MCHR2: variants seen among roughly 807,000 people sequenced by gnomAD.
MCHR2 encodes the protein melanin concentrating hormone receptor 2.
A neutral mutation model predicts 24.8 loss-of-function variants in MCHR2; 15 were observed. The ratio of observed to expected loss-of-function variants is 0.60; its 90% CI spans 0.40 to 0.93. The LOEUF is 0.93. Ranked by LOEUF, MCHR2 falls within the 40% of genes least tolerant of loss-of-function variation. The pLI is 0.00. For missense variants in MCHR2, 386 were observed against 408.7 expected (o/e 0.94, Z 0.48); for synonymous variants, 151 against 147.6 (o/e 1.02, Z -0.17).
intron 5 of MCHR2, among the ~76,000 whole-genome samples, chr6:99,928,375 T>C (rs1350702410): frequency 2.0e-5 from 3 of 152,196 alleles, no homozygotes; most frequent in Admixed American, 6.5e-5. Context: ...GAGGATTCCC[T>C]CTTTTTCTAT....
At chr6:99,934,254 C>A (rs1774605109) in intron 5 of MCHR2, 144 bp downstream of exon 5, 1 of 753,124 alleles carries the variant, frequency 1.3e-6, no homozygotes, top group African/African-American at 1.8e-5. Context: ...TCTTATTTTC[C>A]AAAAATTTTT....
intron 3 of MCHR2, among the ~76,000 whole-genome samples, chr6:99,944,323 G>A (rs917371408): frequency 2.6e-5 from 4 of 152,144 alleles, no homozygotes; most frequent in African/African-American, 4.8e-5. Context: ...TCAGAAGGAA[G>A]GCTATTTGAA....
chr6:99,963,204 G>A (rs938620119), intron 1 of MCHR2, among the ~76,000 whole-genome samples: 7 of 152,110 alleles, frequency 4.6e-5, no homozygotes, highest in Non-Finnish European at 7.4e-5. Context: ...ATGTAAAATA[G>A]TGTAGCCACT....
intron 2 of MCHR2, among the ~76,000 whole-genome samples, chr6:99,950,522 T>C (rs1774946280): frequency 6.6e-6 from 1 of 152,112 alleles, no homozygotes; most frequent in African/African-American, 2.4e-5. Context: ...ATAAAATAAA[T>C]TATGGTATTT....
chr6:99,982,562 C>T (rs1369008215), intron 1 of MCHR2, among the ~76,000 whole-genome samples: 3 of 149,344 alleles, frequency 2.0e-5, no homozygotes, highest in Non-Finnish European at 4.4e-5. Context: ...TCGCTTGAGC[C>T]TGGGAGGTGG....
intron 5 of MCHR2, among the ~76,000 whole-genome samples, chr6:99,926,445 C>T (rs1156734507): frequency 6.6e-6 from 1 of 150,886 alleles, no homozygotes; most frequent in Non-Finnish European, 1.5e-5. Flanking sequence ...GTTTACAGTC[C>T]CACCAACAGT....
intron 5 of MCHR2, among the ~76,000 whole-genome samples, chr6:99,930,209 C>T: frequency 6.6e-6 from 1 of 152,074 alleles, no homozygotes; most frequent in Non-Finnish European, 1.5e-5. Context: ...GAGAGATCCG[C>T]TGTTAGTCTG....
intron 1 of MCHR2, among the ~76,000 whole-genome samples, chr6:99,986,550 C>T (rs1338291960): frequency 6.6e-6 from 1 of 151,968 alleles, no homozygotes; most frequent in Non-Finnish European, 1.5e-5. Context: ...GGCCATTATT[C>T]TAATTGAAAT....
intron 1 of MCHR2, among the ~76,000 whole-genome samples, chr6:99,969,047 T>C (rs568061577): frequency 1.3e-5 from 2 of 152,300 alleles, no homozygotes; most frequent in South Asian, 2.1e-4. Context: ...CTCAAATCAA[T>C]AATCTAAGAC....
intron 1 of MCHR2, among the ~76,000 whole-genome samples, chr6:99,992,828 A>G (rs1383643830): frequency 6.6e-6 from 1 of 152,206 alleles, no homozygotes. Flanking sequence ...TTCAATTGTG[A>G]CATTAAACAT....
intron 1 of MCHR2, among the ~76,000 whole-genome samples, chr6:99,989,646 C>T (rs538679508): frequency 6.6e-6 from 1 of 152,150 alleles, no homozygotes; most frequent in South Asian, 2.1e-4. Flanking sequence ...CAAAACTGCT[C>T]CTGAAGAGCT....
At chr6:99,933,492 A>C (rs887418282) in intron 5 of MCHR2, among the ~76,000 whole-genome samples, 1 of 152,076 alleles carries the variant, frequency 6.6e-6, no homozygotes, top group African/African-American at 2.4e-5. Flanking sequence ...TCCCAAATGG[A>C]CCACACTTTA....
intron 3 of MCHR2, among the ~76,000 whole-genome samples, chr6:99,946,414 T>G (rs897143881): frequency 2.0e-5 from 3 of 152,196 alleles, no homozygotes; most frequent in African/African-American, 7.2e-5. Context: ...AACTTTGCAA[T>G]TCTTTTTTTG....
intron 1 of MCHR2, among the ~76,000 whole-genome samples, chr6:99,967,770 T>G (rs908581841): frequency 6.6e-6 from 1 of 152,180 alleles, no homozygotes; most frequent in Non-Finnish European, 1.5e-5. Flanking sequence ...TTTATACATT[T>G]GCTCTCCAAG....
chr6:99,934,265 T>C (rs1774605537), intron 5 of MCHR2, 133 bp downstream of exon 5: 2 of 877,642 alleles, frequency 2.3e-6, no homozygotes, highest in South Asian at 8.0e-5. Flanking sequence ...AAAAATTTTT[T>C]CTATAGACAT....
At chr6:99,934,280 C>A in intron 5 of MCHR2, 118 bp downstream of exon 5, 1 of 1,038,468 alleles carries the variant, frequency 9.6e-7, no homozygotes, top group Admixed American at 3.1e-5. Flanking sequence ...AGACATATAT[C>A]AATGTCCACA....
chr6:99,939,506 T>C (rs1460135196), intron 4 of MCHR2, among the ~76,000 whole-genome samples: 1 of 152,112 alleles, frequency 6.6e-6, no homozygotes, highest in Non-Finnish European at 1.5e-5. Context: ...TGTCTCAGTT[T>C]ACGTATTTCC....
At position 99,943,135 on chromosome 6, in the gene MCHR2, G is replaced by A. The variant is rs1449787736; in HGVS notation, c.401C>T (p.Ala134Val). Reference sequence around the variant, plus strand: ...TGTCAGTCGAAATGGTTGGACGAGGGCAAAGTACCTGCAAAGGCAGTCAGG... The same window carrying A: ...TGTCAGTCGAAATGGTTGGACGAGGACAAAGTACCTGCAAAGGCAGTCAGG... Reference protein sequence around the residue: ...MTVMSVDRYFALVQPFRLTRW... With the variant: ...MTVMSVDRYFVLVQPFRLTRW... The change falls in exon 4 of 6, where the codon GCC (alanine) becomes GTC (valine). Residue 134 changes from alanine (A) to valine (V), a missense_variant. Coordinates refer to ENST00000281806, the MANE Select transcript of MCHR2 (RefSeq NM_001040179.2). 4 of 1,606,848 alleles carry A rather than the reference G, an allele frequency of 2.5e-6. No homozygotes were observed. Among genetic ancestry groups the A allele is most frequent in the Non-Finnish European group, 3.4e-6 (4 of 1,175,740 alleles).
chr6:99,966,594 G>A (rs774331128), intron 1 of MCHR2, among the ~76,000 whole-genome samples: 3 of 151,972 alleles, frequency 2.0e-5, no homozygotes, highest in African/African-American at 4.8e-5. Flanking sequence ...ACAATATTTG[G>A]TACTTCACCG....
Sources: gnomAD v4.1 joint callset for allele counts (sites outside exome capture counted in the v4.1 genomes callset) on GRCh38, gnomAD v4.1.1 for gene constraint, MANE v1.5 for transcripts, NCBI Gene and HGNC (gene_info 2026-07-23, HGNC 2026-07-21) for gene names.